AOAH: variants seen among roughly 807,000 people sequenced by gnomAD.
The protein encoded by AOAH is acyloxyacyl hydrolase (neutrophil).
In AOAH, 64 loss-of-function variants were observed where a neutral mutation model predicts 92.2. That is an observed-to-expected ratio of 0.69 (90% CI 0.57 to 0.86). The LOEUF is 0.86. AOAH is among the 40% of genes least tolerant of loss of function. The probability of loss-of-function intolerance (pLI) is 0.00; values close to 1 mark genes in which losing one functional copy is unlikely to be tolerated. For missense variants in AOAH, 656 were observed against 694.6 expected, an observed-to-expected ratio of 0.94 and a Z score of 0.62; for synonymous variants, 263 against 254.5, an observed-to-expected ratio of 1.03 and a Z score of -0.32.
chr7:36,616,205 G>C (rs1791867495), intron 11 of AOAH, among the ~76,000 whole-genome samples, 175 bp downstream of exon 11: 1 of 152,194 alleles, frequency 6.6e-6, no homozygotes, highest in Admixed American at 6.5e-5. Flanking sequence ...TGAGTAGAAG[G>C]AACCTTTTGC....
Position 36,618,367 on chromosome 7 carries a change from A to G in AOAH, c.703-22T>C, listed in dbSNP as rs1792043867. Reference sequence around the variant, plus strand: ...CACCCTTTAAAAAAGAAACGATGTGATTAGCAGTTTGGTTTTAAATTTATG... The same window carrying G: ...CACCCTTTAAAAAAGAAACGATGTGGTTAGCAGTTTGGTTTTAAATTTATG... On this transcript the variant is annotated intron_variant, in intron 9 of 20. Coordinates refer to ENST00000617537, the MANE Select transcript of AOAH (RefSeq NM_001637.4). The G allele has an allele frequency of 3.1e-6, 5 of 1,612,986 alleles. No homozygotes were observed. The Admixed American group carries it at 8.4e-5, about 27-fold the overall frequency.
chr7:36,697,687 A>C (rs911232787), intron 1 of AOAH, among the ~76,000 whole-genome samples: 15 of 152,182 alleles, frequency 9.9e-5, no homozygotes, highest in Non-Finnish European at 2.2e-4. Context: ...CAGTGCCCTA[A>C]AATTCATGCC....
chr7:36,582,552 A>C (rs1789006358), intron 12 of AOAH, among the ~76,000 whole-genome samples: 1 of 152,192 alleles, frequency 6.6e-6, no homozygotes, highest in Admixed American at 6.5e-5. Context: ...AACACAAAAA[A>C]ATCACTTTTT....
intron 4 of AOAH, among the ~76,000 whole-genome samples, chr7:36,657,365 C>G (rs73689813): frequency 1.4e-3 from 209 of 152,224 alleles, no homozygotes; most frequent in African/African-American, 4.6e-3. Context: ...AAAAAGGAGT[C>G]GAAATGACAC....
chr7:36,588,781 G>A (rs1165116345), intron 12 of AOAH, among the ~76,000 whole-genome samples: 1 of 152,150 alleles, frequency 6.6e-6, no homozygotes, highest in Non-Finnish European at 1.5e-5. Flanking sequence ...CTCACTAAAG[G>A]TGTGTTTAAA....
chr7:36,585,263 G>A (rs1789236584), intron 12 of AOAH, among the ~76,000 whole-genome samples: 1 of 152,008 alleles, frequency 6.6e-6, no homozygotes, highest in African/African-American at 2.4e-5. Flanking sequence ...CGATGCCTGT[G>A]AAAAGATGCT....
At chr7:36,529,306 A>G (rs1784562789) in intron 19 of AOAH, among the ~76,000 whole-genome samples, 1 of 152,116 alleles carries the variant, frequency 6.6e-6, no homozygotes, top group African/African-American at 2.4e-5. Flanking sequence ...AAGGTTGATG[A>G]TGATCAAAGA....
chr7:36,654,498 G>C (rs1206151314), intron 4 of AOAH, among the ~76,000 whole-genome samples: 1 of 152,160 alleles, frequency 6.6e-6, no homozygotes, highest in Non-Finnish European at 1.5e-5. Context: ...GGGGTTCACT[G>C]TGAGCCCCAA....
intron 1 of AOAH, among the ~76,000 whole-genome samples, chr7:36,700,162 C>A (rs1271684587): frequency 6.6e-6 from 1 of 151,914 alleles, no homozygotes; most frequent in East Asian, 1.9e-4. Flanking sequence ...TTCTTTTTCT[C>A]ATTTTTATCT....
At chr7:36,593,360 C>T (rs1434824942) in intron 12 of AOAH, among the ~76,000 whole-genome samples, 3 of 152,190 alleles carry the variant, frequency 2.0e-5, no homozygotes, top group Admixed American at 6.5e-5. Flanking sequence ...AGAATAATTG[C>T]TTGTTAAAAT....
intron 2 of AOAH, among the ~76,000 whole-genome samples, chr7:36,685,078 G>A (rs1446869652): frequency 6.6e-6 from 1 of 151,934 alleles, no homozygotes; most frequent in Non-Finnish European, 1.5e-5. Flanking sequence ...TCAAACCTCT[G>A]ATCAAGCTGC....
At chr7:36,621,632 G>A in intron 8 of AOAH, 78 bp downstream of exon 8, 4 of 1,321,096 alleles carry the variant, frequency 3.0e-6, no homozygotes, top group East Asian at 4.6e-5. Context: ...AATCCCCTAG[G>A]CTGGGGGAAG....
intron 1 of AOAH, among the ~76,000 whole-genome samples, chr7:36,718,058 A>G (rs764763622): frequency 1.3e-5 from 2 of 152,182 alleles, no homozygotes; most frequent in Non-Finnish European, 2.9e-5. Flanking sequence ...TGAATCATAT[A>G]TTTGAAAAAA....
At chr7:36,695,436 T>C (rs1797655277) in intron 1 of AOAH, among the ~76,000 whole-genome samples, 1 of 152,208 alleles carries the variant, frequency 6.6e-6, no homozygotes, top group African/African-American at 2.4e-5. Flanking sequence ...TTTCAGGATG[T>C]CTGCTAGGCG....
At chr7:36,600,821 T>C (rs1188999001) in intron 11 of AOAH, among the ~76,000 whole-genome samples, 1 of 152,196 alleles carries the variant, frequency 6.6e-6, no homozygotes, top group Admixed American at 6.5e-5. Flanking sequence ...TCCCAGATAC[T>C]GCTTTGGGTG....
rs570942338 is a variant in AOAH, at chr7:36,640,096, C to T, written c.391-2186G>A. ...GTTCATCTGGATGTGGCTGGGTTTC[C>T]GATATTGGTGCACATGGGGGTGGCA... is the stretch of plus-strand genomic sequence containing the variant. On this transcript the variant is annotated intron_variant, in intron 4 of 20. Coordinates refer to ENST00000617537, the MANE Select transcript of AOAH (RefSeq NM_001637.4). Among the ~76,000 whole-genome samples the T allele has an allele frequency of 2.9e-4, 44 of 152,148 alleles. No individual in the cohort carries two copies. In the South Asian group the frequency reaches 8.3e-3, roughly 29 times the overall value.
chr7:36,536,773 A>AC (rs1336210904), intron 16 of AOAH, among the ~76,000 whole-genome samples: 1 of 151,786 alleles, frequency 6.6e-6, no homozygotes, highest in Non-Finnish European at 1.5e-5. Flanking sequence ...ACATGGTGAA[A>AC]CCCCATTTCT....
intron 1 of AOAH, among the ~76,000 whole-genome samples, chr7:36,723,210 G>C (rs1373339779): frequency 6.6e-6 from 1 of 152,052 alleles, no homozygotes; most frequent in Non-Finnish European, 1.5e-5. Context: ...TTACTACTCA[G>C]AGTTCTGAGT....
Position 36,720,910 on chromosome 7 carries a change from T to G in AOAH, c.127+3112A>C, listed in dbSNP as rs150102276. Among the ~76,000 whole-genome samples the G allele has an allele frequency of 2.2e-3, 333 of 152,272 alleles. 3 individuals are homozygous for G. Among genetic ancestry groups the G allele is most frequent in the African/African-American group, 7.8e-3 (323 of 41,542 alleles). On this transcript the variant is annotated intron_variant, in intron 1 of 20. Coordinates refer to ENST00000617537, the MANE Select transcript of AOAH (RefSeq NM_001637.4). ...AACCCTGCTTTTTGTCAGAAAGTTG[T>G]TAGGGTGTTGGCAACAAATGTAGAG... is the stretch of plus-strand genomic sequence containing the variant.
Sources: gnomAD v4.1 joint callset for allele counts (sites outside exome capture counted in the v4.1 genomes callset) on GRCh38, gnomAD v4.1.1 for gene constraint, MANE v1.5 for transcripts, NCBI Gene and HGNC (gene_info 2026-07-23, HGNC 2026-07-21) for gene names.